The following TRAPPC10 variants were observed in gnomAD, a reference collection of about 807,000 sequenced individuals.
TRAPPC10 encodes trafficking protein particle complex subunit 10, also known as TRAPP 130 kDa subunit.
Under a neutral mutation model 125.5 loss-of-function variants are expected in TRAPPC10, and 23 were observed. That is an observed-to-expected ratio of 0.18 (90% CI 0.13 to 0.26). The LOEUF (loss-of-function observed/expected upper bound fraction) is 0.26. Ranked by LOEUF, TRAPPC10 falls within the 10% of genes least tolerant of loss-of-function variation. The pLI is 1.00. For synonymous variants in TRAPPC10, 509 were observed against 518.0 expected (o/e 0.98, Z 0.24); for missense variants, 1,123 against 1,308.4 (o/e 0.86, Z 2.19).
rs557862809 is a variant in TRAPPC10, at chr21:44,059,583, C to G, written c.790+369C>G. On this transcript the variant is annotated intron_variant, in intron 6 of 22. Coordinates refer to ENST00000291574, the MANE Select transcript of TRAPPC10 (RefSeq NM_003274.5). The surrounding 1 kb of genome is among the most constrained non-coding windows in gnomAD (Gnocchi z 4.4). ...ATCCAGGGGTTATCTTTGGAATGCTCGAGTGCTCATTGCTGTGAACTTATA... is the reference window on the plus strand; with the variant it reads ...ATCCAGGGGTTATCTTTGGAATGCTGGAGTGCTCATTGCTGTGAACTTATA... 2 of 691,872 alleles carry G rather than the reference C, an allele frequency of 2.9e-6. No individual in the cohort carries two copies. The highest frequency in any genetic ancestry group is 2.3e-5 in the Admixed American group (1 of 42,832). 42.9% of individuals were successfully genotyped at this position (691,872 alleles called of 1,614,324 possible).
chr21:44,086,527 A>G (rs2038146627), intron 15 of TRAPPC10, among the ~76,000 whole-genome samples: 1 of 152,222 alleles, frequency 6.6e-6, no homozygotes, highest in Admixed American at 6.5e-5. Flanking sequence ...AGTCATGATC[A>G]TAATCCCTGA....
Position 44,075,048 on chromosome 21 carries a change from T to C in TRAPPC10, c.1195T>C (p.Leu399=). 1 of 1,611,842 alleles carries C rather than the reference T, an allele frequency of 6.2e-7. No individual in the cohort carries two copies. Among genetic ancestry groups the C allele is most frequent in the Non-Finnish European group, 8.5e-7 (1 of 1,177,934 alleles). Reference sequence around the variant, plus strand: ...GGATTTATCTTAACAGTTAAAGTCCTTGGGCTATCTATGTGGACTTGTGTC... The same window carrying C: ...GGATTTATCTTAACAGTTAAAGTCCCTGGGCTATCTATGTGGACTTGTGTC... ...WSYATEKLKS[L]GYLCGLVSEK... Residue 399 remains leucine (L), a synonymous_variant, in exon 9 of 23, where the codon TTG becomes CTG. Coordinates refer to ENST00000291574, the MANE Select transcript of TRAPPC10 (RefSeq NM_003274.5).
intron 3 of TRAPPC10, among the ~76,000 whole-genome samples, chr21:44,038,936 C>T (rs1601617185): frequency 6.6e-6 from 1 of 152,236 alleles, no homozygotes; most frequent in Non-Finnish European, 1.5e-5. Flanking sequence ...GCCGGAGACT[C>T]TGTACCCAAG....
At chr21:44,068,045 G>A (rs984222808) in intron 7 of TRAPPC10, among the ~76,000 whole-genome samples, 16 of 151,784 alleles carry the variant, frequency 1.1e-4, no homozygotes, top group African/African-American at 3.4e-4. Flanking sequence ...GCTTGAACCT[G>A]GGAGGCAGAG....
chr21:44,019,663 A>G (rs754836592), intron 1 of TRAPPC10, among the ~76,000 whole-genome samples: 1 of 152,158 alleles, frequency 6.6e-6, no homozygotes, highest in Non-Finnish European at 1.5e-5. Flanking sequence ...GGATAATCAC[A>G]TCTTGAGCTC....
intron 1 of TRAPPC10, among the ~76,000 whole-genome samples, chr21:44,022,526 C>T (rs890424932): frequency 2.1e-5 from 3 of 139,734 alleles, no homozygotes; most frequent in Non-Finnish European, 4.5e-5. Context: ...GTTGGTCAGG[C>T]TTATCTCGAA....
At chr21:44,019,129 T>C (rs1246672056) in intron 1 of TRAPPC10, among the ~76,000 whole-genome samples, 1 of 152,114 alleles carries the variant, frequency 6.6e-6, no homozygotes, top group African/African-American at 2.4e-5. Context: ...TGATCTCGGC[T>C]CACTGCAGCC....
In TRAPPC10 at chr21:44,089,908, C is replaced by G; in HGVS notation, c.2845C>G (p.His949Asp). ...LTFSVPFRTT[H>D]SLLSSGTRKY... is the part of the protein sequence containing the mutation. Reference sequence around the variant, plus strand: ...CTTCAGCGTACCCTTCAGGACCACACACAGCCTCCTGTCCTCAGGAACACG... The same window carrying G: ...CTTCAGCGTACCCTTCAGGACCACAGACAGCCTCCTGTCCTCAGGAACACG... Residue 949 changes from histidine to aspartate, a missense_variant, in exon 18 of 23, where the codon CAC becomes GAC. Physicochemically the swap from His to Asp is moderately conservative, Grantham distance 81 (BLOSUM62 -1). Coordinates refer to ENST00000291574, the MANE Select transcript of TRAPPC10 (RefSeq NM_003274.5). The G allele has an allele frequency of 6.2e-7, 1 of 1,613,876 alleles. No individual in the cohort carries two copies. The highest frequency in any genetic ancestry group is 8.5e-7 in the Non-Finnish European group (1 of 1,179,838).
At chr21:44,074,586 A>G in intron 8 of TRAPPC10, 116 bp downstream of exon 8, 1 of 1,375,438 alleles carries the variant, frequency 7.3e-7, no homozygotes, top group South Asian at 1.3e-5. Flanking sequence ...CGATGCATCC[A>G]CTTTAGTGGC....
chr21:44,092,086 C>G, intron 19 of TRAPPC10, 37 bp downstream of exon 19: 1 of 1,608,596 alleles, frequency 6.2e-7, no homozygotes, highest in African/African-American at 1.3e-5. Flanking sequence ...AACTTCTCAA[C>G]AGAGAACCAG....
chr21:44,052,602 G>A, intron 4 of TRAPPC10, 126 bp downstream of exon 4: 1 of 858,700 alleles, frequency 1.2e-6, no homozygotes, highest in East Asian at 2.7e-5. Flanking sequence ...TGCTGTCAAG[G>A]AGACCTGGTG....
At chr21:44,089,439 T>C (rs1166236118) in intron 17 of TRAPPC10, 5 of 420,938 alleles carry the variant, frequency 1.2e-5, no homozygotes, top group African/African-American at 6.1e-5. Context: ...GATTGGCTAA[T>C]GTCATCTGGA....
chr21:44,080,375 A>G (rs1289706410), intron 13 of TRAPPC10, among the ~76,000 whole-genome samples: 1 of 152,168 alleles, frequency 6.6e-6, no homozygotes, highest in Non-Finnish European at 1.5e-5. Flanking sequence ...TAAGGTTCTA[A>G]TATCATCTGC....
Position 44,063,865 on chromosome 21 carries a change from G to T in TRAPPC10, c.1038+80G>T. 1.3e-6 allele frequency: 2 copies of T among 1,530,024 alleles called. No homozygotes were observed. The highest frequency in any genetic ancestry group is 8.8e-7 in the Non-Finnish European group (1 of 1,141,820). The allele number at this position is 1,530,024 out of a possible 1,614,324, so 94.8% of individuals were successfully genotyped here. A position where few individuals can be genotyped will look rare whatever the true frequency, so the allele number is the denominator to read the frequency against. On this transcript the variant is annotated intron_variant, in intron 7 of 22. Transcript: ENST00000291574. This position sits in a 1 kb window ranked among gnomAD's most constrained non-coding sequence, Gnocchi z 4.4. ...TCTGAACCTTGAGATCCCAGGCATT[G>T]AACTGTTTGTGCTTAAGAAAGGGTT...
chr21:44,030,660 G>T (rs911427607), intron 1 of TRAPPC10, among the ~76,000 whole-genome samples: 5 of 151,964 alleles, frequency 3.3e-5, no homozygotes, highest in African/African-American at 1.2e-4. Flanking sequence ...TAGAGACAAG[G>T]TTTCTCCATG....
At position 44,076,623 on chromosome 21, in the gene TRAPPC10, T is replaced by C; in HGVS notation, c.1372T>C (p.Tyr458His). The part of the protein sequence containing the change: ...LSSVEAFEKH[Y>H]LDLSHATIEM... ...GTCAGTGGAAGCTTTTGAAAAACAC[T>C]ACTTAGTAAGTATTAACAAGTGTTC... Residue 458 changes from tyrosine (Y) to histidine (H), a missense_variant, in exon 10 of 23, where the codon TAC becomes CAC. Tyr to His is a moderately conservative substitution (Grantham distance 83, BLOSUM62 2). Around this residue, in one of 4 missense-constraint regions of TRAPPC10, gnomAD observed 840 missense variants for 902.0 expected, o/e 0.93. Transcript: ENST00000291574. The C allele has an allele frequency of 6.2e-7, 1 of 1,610,896 alleles. No homozygotes were observed. The highest frequency in any genetic ancestry group is 8.5e-7 in the Non-Finnish European group (1 of 1,177,052).
chr21:44,027,195 C>A (rs2033150314), intron 1 of TRAPPC10, among the ~76,000 whole-genome samples: 1 of 151,444 alleles, frequency 6.6e-6, no homozygotes, highest in Admixed American at 6.6e-5. Context: ...TTTTTTTTTC[C>A]AACATAAATC....
At chr21:44,072,797 C>T (rs1375009264) in intron 7 of TRAPPC10, among the ~76,000 whole-genome samples, 1 of 152,176 alleles carries the variant, frequency 6.6e-6, no homozygotes, top group Non-Finnish European at 1.5e-5. Flanking sequence ...CCAGTGTGTG[C>T]CCAGGGGAGG....
At position 44,064,999 on chromosome 21, in the gene TRAPPC10, C is replaced by T. The variant is rs955426317; in HGVS notation, c.1038+1214C>T. On this transcript the variant is annotated intron_variant, in intron 7 of 22. Coordinates refer to ENST00000291574, the MANE Select transcript of TRAPPC10 (RefSeq NM_003274.5). ...CTCAGCCCTAACTGCAGGTTGGGGA[C>T]GGGGCTGTGAGGGAACCATTCACTC... Among the ~76,000 whole-genome samples, 8 of 152,040 alleles carry T rather than the reference C, an allele frequency of 5.3e-5. No individual in the cohort carries two copies. The East Asian group carries it at 1.2e-3, about 22-fold the overall frequency.
Sources: allele counts gnomAD v4.1 joint callset (sites outside exome capture counted in the v4.1 genomes callset), GRCh38; gene constraint gnomAD v4.1.1; regional missense constraint gnomAD v4.1.1; non-coding constraint Gnocchi (gnomAD v3.1); transcripts MANE v1.5; gene names NCBI Gene and HGNC (gene_info 2026-07-23, HGNC 2026-07-21).